The following ZMIZ2 variants were observed in gnomAD, a reference collection of about 807,000 sequenced individuals.
ZMIZ2 encodes the protein zinc finger MIZ domain-containing protein 2.
A neutral mutation model predicts 93.9 loss-of-function variants in ZMIZ2; 26 were observed. That is an observed-to-expected ratio of 0.28 (90% CI 0.20 to 0.38). The LOEUF is 0.38. Ranked by LOEUF, ZMIZ2 falls within the 10% of genes least tolerant of loss-of-function variation. The pLI is 1.00. For synonymous variants in ZMIZ2, 485 were observed against 516.4 expected (o/e 0.94, Z 0.82); for missense variants, 1,023 against 1,235.0 (o/e 0.83, Z 2.57).
intron 18 of ZMIZ2, 21 bp from the exon 19 acceptor site, chr7:44,767,495 C>CAG: frequency 6.2e-7 from 1 of 1,603,202 alleles, no homozygotes; most frequent in Non-Finnish European, 8.5e-7. Context: ...AAGCTGCTAA[C>CAG]AGAGTTCACT....
Position 44,763,417 on chromosome 7 carries a change from G to A in ZMIZ2, c.1860+4G>A. ...TCATGACTGTCGCCACATACAGGTA[G>A]GTGGTTACTGCAGAGTCTTGCCGGA... On this transcript the variant is annotated splice_donor_region_variant and intron_variant, in intron 13 of 18. Coordinates refer to ENST00000309315, the MANE Select transcript of ZMIZ2 (RefSeq NM_031449.4). The surrounding 1 kb of genome is among the most constrained non-coding windows in gnomAD (Gnocchi z 5.6). The A allele has an allele frequency of 6.2e-7, 1 of 1,613,876 alleles. No homozygotes were observed. The highest frequency in any genetic ancestry group is 8.5e-7 in the Non-Finnish European group (1 of 1,179,926).
chr7:44,759,545 G>A, intron 7 of ZMIZ2, 85 bp downstream of exon 7: 1 of 1,192,226 alleles, frequency 8.4e-7, no homozygotes, highest in Non-Finnish European at 1.1e-6. Flanking sequence ...CTGTCCTCGA[G>A]AGCGACAGGG....
At position 44,761,483 on chromosome 7, in the gene ZMIZ2, C is replaced by T. The variant is rs780915486; in HGVS notation, c.1275C>T (p.Phe425=). The change falls in exon 10 of 19, where the codon TTC becomes TTT. Residue 425 remains phenylalanine (F), a synonymous_variant. Transcript: ENST00000309315. This position sits in a 1 kb window ranked among gnomAD's most constrained non-coding sequence, Gnocchi z 5.8. ...SGPCDELRLT[F]PVRDGVVLEP... is the part of the protein sequence containing the mutation. ...CTTGTGACGAGTTGCGGCTGACCTTCCCTGTGCGCGATGGGGTGGTCCTGG... is the reference window on the plus strand; with the variant it reads ...CTTGTGACGAGTTGCGGCTGACCTTTCCTGTGCGCGATGGGGTGGTCCTGG... 1 of 1,613,854 alleles carries T rather than the reference C, an allele frequency of 6.2e-7. No individual in the cohort carries two copies. Among genetic ancestry groups the T allele is most frequent in the African/African-American group, 1.3e-5 (1 of 74,952 alleles).
chr7:44,765,863 G>A lies in ZMIZ2; in HGVS notation c.2242+284G>A. 8.2e-7 allele frequency: 1 copy of A among 1,215,762 alleles called. No homozygotes were observed. The highest frequency in any genetic ancestry group is 1.1e-6 in the Non-Finnish European group (1 of 911,812). 75.3% of individuals were successfully genotyped at this position (1,215,762 alleles called of 1,614,324 possible). A position where few individuals can be genotyped will look rare whatever the true frequency, so the allele number is the denominator to read the frequency against. On this transcript the variant is annotated intron_variant, in intron 16 of 18. Transcript: ENST00000309315. This position sits in a 1 kb window ranked among gnomAD's most constrained non-coding sequence, Gnocchi z 4.1. Reference sequence around the variant, plus strand: ...GGCTCCTGGCTGGAACACCTCACAGGACTGGCCCCATCTGGGGCCCCCCTC... The same window carrying A: ...GGCTCCTGGCTGGAACACCTCACAGAACTGGCCCCATCTGGGGCCCCCCTC...
At chr7:44,762,774 T>G in intron 11 of ZMIZ2, 107 bp from the exon 12 acceptor site, 62 of 397,618 alleles carry the variant, frequency 1.6e-4, no homozygotes, top group Middle Eastern at 9.2e-4. Context: ...GCCTTGTCCC[T>G]CCCCCACCTG....
rs758496637 is a variant in ZMIZ2 at position 44,761,826 on chromosome 7, C to T, written c.1517C>T (p.Ser506Leu). The T allele has an allele frequency of 5.6e-6, 9 of 1,613,580 alleles. No homozygotes were observed. Among genetic ancestry groups the T allele is most frequent in the South Asian group, 5.5e-5 (5 of 91,090 alleles). Residue 506 changes from serine (S) to leucine (L), a missense_variant, in exon 11 of 19, where the codon TCG (serine) becomes TTG (leucine). Transcript: ENST00000309315. The surrounding 1 kb of genome is among the most constrained non-coding windows in gnomAD (Gnocchi z 5.8). ...ATCGAGCGTGGCGACAACAAGACCT[C>T]GCACAAGCCACTCTACCTGAAGCAT... is the stretch of plus-strand genomic sequence containing the variant. The part of the protein sequence containing the change: ...LTIERGDNKT[S>L]HKPLYLKHVC...
intron 1 of ZMIZ2, chr7:44,750,073 G>C (rs1296308751): frequency 6.6e-6 from 1 of 152,208 alleles, no homozygotes; most frequent in Non-Finnish European, 1.5e-5. Flanking sequence ...GCCGGTTGTA[G>C]ATTTCTGAAG....
At chr7:44,758,305 C>T (rs1185679483) in intron 6 of ZMIZ2, among the ~76,000 whole-genome samples, 197 bp downstream of exon 6, 2 of 151,924 alleles carry the variant, frequency 1.3e-5, no homozygotes, top group Non-Finnish European at 2.9e-5. Context: ...CATGGCGAAA[C>T]CGTGTCTCTA....
chr7:44,749,193 A>C (rs912934193), intron 1 of ZMIZ2, among the ~76,000 whole-genome samples: 1 of 151,922 alleles, frequency 6.6e-6, no homozygotes. Context: ...TCTGCCGCCC[A>C]CCTGCCGGCA....
chr7:44,761,395 C>T lies in ZMIZ2; in HGVS notation c.1241-54C>T, dbSNP rs940101324. 38 of 1,591,692 alleles carry T rather than the reference C, an allele frequency of 2.4e-5. 1 individual carries two copies. In the Middle Eastern group the frequency reaches 5.0e-4, roughly 21 times the overall value. ...GAGCCGCTGCCCTCCTTGAGTGACACAAGACGCTCTGGCTGGGGCAACCCA... is the reference window on the plus strand; with the variant it reads ...GAGCCGCTGCCCTCCTTGAGTGACATAAGACGCTCTGGCTGGGGCAACCCA... On this transcript the variant is annotated intron_variant, in intron 9 of 18. Coordinates refer to ENST00000309315, the MANE Select transcript of ZMIZ2 (RefSeq NM_031449.4). The surrounding 1 kb of genome is among the most constrained non-coding windows in gnomAD (Gnocchi z 5.8).
At position 44,761,271 on chromosome 7, in the gene ZMIZ2, G is replaced by A. The variant is rs1791147239; in HGVS notation, c.1241-178G>A. ...ATGCCCAGGCCTCAGGAGAGATGCTGCCCATGGCCCCAGCCCCAGGGCACC... is the reference window on the plus strand; with the variant it reads ...ATGCCCAGGCCTCAGGAGAGATGCTACCCATGGCCCCAGCCCCAGGGCACC... On this transcript the variant is annotated intron_variant, in intron 9 of 18. Coordinates refer to ENST00000309315, the MANE Select transcript of ZMIZ2 (RefSeq NM_031449.4). This position sits in a 1 kb window ranked among gnomAD's most constrained non-coding sequence, Gnocchi z 5.8. 6.6e-6 allele frequency among the ~76,000 whole-genome samples: 1 copy of A among 152,246 alleles called. No homozygotes were observed.
rs768411556 is a variant in ZMIZ2, at chr7:44,757,986, C to T, written c.691C>T (p.Pro231Ser). ...TGGCCTCTCCCCCTTGGCTATGAAC[C>T]CCACCCGGGCAGCAGGAATGACACC... is the stretch of plus-strand genomic sequence containing the variant. The part of the protein sequence containing the change: ...PSGLSPLAMN[P>S]TRAAGMTPLY... Residue 231 changes from proline to serine, a missense_variant, in exon 6 of 19, where the codon CCC (proline) becomes TCC (serine). By Grantham distance (74) the Pro-to-Ser change is moderately conservative (BLOSUM62 -1). Around this residue, in one of 3 missense-constraint regions of ZMIZ2, gnomAD observed 656 missense variants for 777.1 expected, o/e 0.84. Transcript: ENST00000309315. 12 of 1,612,434 alleles carry T rather than the reference C, an allele frequency of 7.4e-6. No homozygotes were observed. The highest frequency in any genetic ancestry group is 1.1e-5 in the South Asian group (1 of 90,548).
Position 44,752,076 on chromosome 7 carries a change from A to G in ZMIZ2, c.-63+3085A>G, listed in dbSNP as rs189328717. Among the ~76,000 whole-genome samples, 4 of 152,296 alleles carry G rather than the reference A, an allele frequency of 2.6e-5. 1 individual carries two copies. Among genetic ancestry groups the G allele is most frequent in the African/African-American group, 9.6e-5 (4 of 41,562 alleles). ...TGGTAACATCTTGGAAAACTAGTAC[A>G]ACATTGCACCAGGACACTACACTGA... is the stretch of plus-strand genomic sequence containing the variant. On this transcript the variant is annotated intron_variant, in intron 1 of 18. Coordinates refer to ENST00000309315, the MANE Select transcript of ZMIZ2 (RefSeq NM_031449.4).
At chr7:44,764,381 C>T (rs779782824) in intron 13 of ZMIZ2, 38 bp from the exon 14 acceptor site, 18 of 1,607,632 alleles carry the variant, frequency 1.1e-5, no homozygotes, top group Non-Finnish European at 1.5e-5. Flanking sequence ...CTGTGCTACC[C>T]ACAATGAGAA....
intron 6 of ZMIZ2, 74 bp downstream of exon 6, chr7:44,758,182 T>TA (rs920331122): frequency 5.5e-6 from 8 of 1,449,340 alleles, no homozygotes; most frequent in Non-Finnish European, 7.2e-6. Context: ...AGAGCTGTGG[T>TA]AAAGAGCAGG....
At chr7:44,762,282 A>G (rs1791278367) in intron 11 of ZMIZ2, among the ~76,000 whole-genome samples, 1 of 152,250 alleles carries the variant, frequency 6.6e-6, no homozygotes, top group Admixed American at 6.5e-5. Context: ...CAGTTAGAGT[A>G]AATTGACTAG....
Position 44,765,371 on chromosome 7 carries a change from C to T in ZMIZ2, c.2034C>T (p.Cys678=). The T allele has an allele frequency of 2.5e-6, 4 of 1,613,574 alleles. No individual in the cohort carries two copies. The highest frequency in any genetic ancestry group is 3.4e-6 in the Non-Finnish European group (4 of 1,180,016). ...AGGAGATCACCATCGACCCCACGTGCAGCTGGAAGCCAGTGCCCGTGAAGC... is the reference window on the plus strand; with the variant it reads ...AGGAGATCACCATCGACCCCACGTGTAGCTGGAAGCCAGTGCCCGTGAAGC... The part of the protein sequence containing the change: ...DYEEITIDPT[C]SWKPVPVKPD... The change falls in exon 16 of 19, where the codon TGC becomes TGT. Residue 678 remains cysteine (C), a synonymous_variant. Transcript: ENST00000309315. This position sits in a 1 kb window ranked among gnomAD's most constrained non-coding sequence, Gnocchi z 4.1.
Position 44,765,833 on chromosome 7 carries a change from T to G in ZMIZ2, c.2242+254T>G. 1.9e-6 allele frequency: 2 copies of G among 1,078,034 alleles called. No individual in the cohort carries two copies. Among genetic ancestry groups the G allele is most frequent in the South Asian group, 1.8e-5 (1 of 56,922 alleles). The allele number at this position is 1,078,034 out of a possible 1,614,324, so 66.8% of individuals were successfully genotyped here. A position where few individuals can be genotyped will look rare whatever the true frequency, so the allele number is the denominator to read the frequency against. On this transcript the variant is annotated intron_variant, in intron 16 of 18. Transcript: ENST00000309315. This position sits in a 1 kb window ranked among gnomAD's most constrained non-coding sequence, Gnocchi z 4.1. ...TCCACCCTTCCTTCCCCGTTTGGAT[T>G]AAGGGGCTCCTGGCTGGAACACCTC...
At position 44,767,570 on chromosome 7, in the gene ZMIZ2, G is replaced by A. The variant is rs578093757; in HGVS notation, c.2710G>A (p.Asp904Asn). The change falls in exon 19 of 19, where the codon GAC (aspartate) becomes AAC (asparagine). Residue 904 changes from aspartate to asparagine, a missense_variant. This residue lies in a region of ZMIZ2 where 319 missense variants were observed against 358.8 expected (regional missense o/e 0.89). Transcript: ENST00000309315. ...GCTACTGTCCTACTTGGGCCCACCC[G>A]ACCTCCCTACGAACAACAATGACGA... is the stretch of plus-strand genomic sequence containing the variant. ...DELLSYLGPP[D>N]LPTNNNDDLL... 2 of 1,614,096 alleles carry A rather than the reference G, an allele frequency of 1.2e-6. No homozygotes were observed. The highest frequency in any genetic ancestry group is 2.2e-5 in the East Asian group (1 of 44,882).
Sources: allele counts gnomAD v4.1 joint callset (sites outside exome capture counted in the v4.1 genomes callset), GRCh38; gene constraint gnomAD v4.1.1; regional missense constraint gnomAD v4.1.1; non-coding constraint Gnocchi (gnomAD v3.1); transcripts MANE v1.5; gene names NCBI Gene and HGNC (gene_info 2026-07-23, HGNC 2026-07-21).